Variants in APBB2 observed in about 807,000 individuals in gnomAD.
APBB2 encodes the protein Fe65-like 1.
APBB2 carries 38 observed loss-of-function variants against 82.5 expected under a neutral mutation model. The ratio of observed to expected loss-of-function variants is 0.46; its 90% CI spans 0.36 to 0.60. The LOEUF is 0.60. APBB2 is among the 20% of genes least tolerant of loss of function. The pLI, the probability that APBB2 is intolerant of heterozygous loss-of-function variation, is 0.00. For synonymous variants in APBB2, 341 were observed against 368.2 expected (o/e 0.93, Z 0.85); for missense variants, 772 against 972.3 (o/e 0.79, Z 2.74).
intron 10 of APBB2, among the ~76,000 whole-genome samples, chr4:40,899,927 C>T (rs1774787564): frequency 1.3e-5 from 2 of 152,084 alleles, no homozygotes; most frequent in Non-Finnish European, 2.9e-5. Flanking sequence ...AAGTCAGCCT[C>T]GGGGTACAGG....
chr4:40,850,200 T>C (rs1222068911), intron 12 of APBB2, among the ~76,000 whole-genome samples: 2 of 152,236 alleles, frequency 1.3e-5, no homozygotes, highest in African/African-American at 2.4e-5. Flanking sequence ...GGACACAAAC[T>C]CCTTGACTCA....
At position 40,832,013 on chromosome 4, in the gene APBB2, TACACACACACACACAC is replaced by T. The variant is rs1553930075; in HGVS notation, c.1530-1452_1530-1437del. ...ACACATATTTATATATTTATTTATA[TACACACACACACACAC>T]ACACACACACACACACACACACATA... On this transcript the variant is annotated intron_variant, in intron 12 of 17. Coordinates refer to ENST00000508593, the MANE Select transcript of APBB2 (RefSeq NM_004307.2). The surrounding 1 kb of genome is among the most constrained non-coding windows in gnomAD (Gnocchi z 4.8). Among the ~76,000 whole-genome samples the T allele has an allele frequency of 7.2e-6, 1 of 138,884 alleles. No homozygotes were observed. The highest frequency in any genetic ancestry group is 2.7e-5 in the African/African-American group (1 of 37,020). The allele number at this position is 138,884 out of a possible 152,430, so 91.1% of individuals were successfully genotyped here.
At chr4:41,113,397 T>G (rs1428849851) in intron 2 of APBB2, among the ~76,000 whole-genome samples, 1 of 152,144 alleles carries the variant, frequency 6.6e-6, no homozygotes, top group African/African-American at 2.4e-5. Flanking sequence ...GGCATAACAA[T>G]GCAATACAAA....
intron 12 of APBB2, among the ~76,000 whole-genome samples, chr4:40,830,933 A>AT (rs756328446): frequency 6.6e-6 from 1 of 152,126 alleles, no homozygotes; most frequent in Non-Finnish European, 1.5e-5. Context: ...CCAAAAAAAA[A>AT]CAAAAAACAA....
chr4:40,836,530 C>T (rs73242087), intron 12 of APBB2, among the ~76,000 whole-genome samples: 5,054 of 152,140 alleles, frequency 0.033, 141 homozygotes, highest in Non-Finnish European at 0.049. Flanking sequence ...CAAGGCCTGG[C>T]GACTGGGGAA....
chr4:40,878,977 C>T (rs1245005903), intron 12 of APBB2, among the ~76,000 whole-genome samples: 2 of 152,058 alleles, frequency 1.3e-5, no homozygotes, highest in African/African-American at 4.8e-5. Context: ...TTTCCTAATT[C>T]TTGTCTTTGA....
chr4:41,197,941 T>C, intron 1 of APBB2, among the ~76,000 whole-genome samples: 1 of 152,360 alleles, frequency 6.6e-6, no homozygotes, highest in Admixed American at 6.5e-5. Context: ...TCTGGTTTCA[T>C]TTGATAATAT....
At chr4:41,017,267 A>G (rs181901098) in intron 5 of APBB2, among the ~76,000 whole-genome samples, 1 of 152,314 alleles carries the variant, frequency 6.6e-6, no homozygotes, top group African/African-American at 2.4e-5. Context: ...AAATAATGGT[A>G]TCATGTGGAG....
chr4:41,089,427 G>A (rs1038512706), intron 3 of APBB2, among the ~76,000 whole-genome samples: 2 of 151,942 alleles, frequency 1.3e-5, no homozygotes, highest in Non-Finnish European at 2.9e-5. Flanking sequence ...TTTGGACTTC[G>A]GTTTTTTTAG....
intron 3 of APBB2, 71 bp downstream of exon 3, chr4:41,100,568 C>A (rs1745017309): frequency 6.6e-6 from 1 of 151,956 alleles, no homozygotes. Flanking sequence ...AGTAAAAAGC[C>A]ATGGATCTAT....
At chr4:40,900,311 T>C (rs1422028644) in intron 10 of APBB2, among the ~76,000 whole-genome samples, 1 of 152,172 alleles carries the variant, frequency 6.6e-6, no homozygotes, top group Non-Finnish European at 1.5e-5. Flanking sequence ...ACACCTGAGT[T>C]ACCTGAGAGT....
At chr4:41,147,714 C>A (rs544477567) in intron 1 of APBB2, among the ~76,000 whole-genome samples, 45 of 152,160 alleles carry the variant, frequency 3.0e-4, no homozygotes, top group East Asian at 2.1e-3. Flanking sequence ...GCCTCAAACT[C>A]CTGACCTCAG....
At chr4:40,825,681 G>A in intron 15 of APBB2, 1 of 550,474 alleles carries the variant, frequency 1.8e-6, no homozygotes, top group Non-Finnish European at 3.3e-6. Context: ...GCATGCTGGG[G>A]ATGACAGGTC....
intron 6 of APBB2, among the ~76,000 whole-genome samples, chr4:40,967,500 A>C (rs1436247828): frequency 6.6e-6 from 1 of 152,096 alleles, no homozygotes; most frequent in Non-Finnish European, 1.5e-5. Flanking sequence ...CGATGCGTTT[A>C]CTGGTGCCAG....
chr4:40,921,617 A>T (rs573816330), intron 10 of APBB2, among the ~76,000 whole-genome samples: 24 of 152,366 alleles, frequency 1.6e-4, no homozygotes, highest in African/African-American at 5.5e-4. Context: ...AGCCTGATGT[A>T]GCATTTTGCT....
intron 12 of APBB2, among the ~76,000 whole-genome samples, chr4:40,852,627 G>T (rs1385639558): frequency 6.6e-6 from 1 of 151,200 alleles, no homozygotes; most frequent in Non-Finnish European, 1.5e-5. Context: ...GAGAACCAAA[G>T]AAAAGAAAGT....
intron 4 of APBB2, among the ~76,000 whole-genome samples, chr4:41,033,895 T>A (rs1422402482): frequency 2.0e-5 from 3 of 152,160 alleles, no homozygotes; most frequent in African/African-American, 7.2e-5. Flanking sequence ...CATAAATCAC[T>A]AGCTTCACTC....
intron 12 of APBB2, among the ~76,000 whole-genome samples, chr4:40,837,863 T>G (rs1363259450): frequency 6.6e-6 from 1 of 152,214 alleles, no homozygotes; most frequent in Non-Finnish European, 1.5e-5. Flanking sequence ...TGCCACCTGC[T>G]TACTGAGCCC....
intron 1 of APBB2, among the ~76,000 whole-genome samples, chr4:41,201,107 C>T (rs967569170): frequency 2.6e-5 from 4 of 152,252 alleles, no homozygotes; most frequent in Non-Finnish European, 4.4e-5. Context: ...TTGCCTTATA[C>T]GGAGGGCTCA....
Sources: allele counts gnomAD v4.1 joint callset (sites outside exome capture counted in the v4.1 genomes callset), GRCh38; gene constraint gnomAD v4.1.1; non-coding constraint Gnocchi (gnomAD v3.1); transcripts MANE v1.5; gene names NCBI Gene and HGNC (gene_info 2026-07-23, HGNC 2026-07-21).